The following SPOCK3 variants were observed in gnomAD, a reference collection of about 807,000 sequenced individuals.
SPOCK3 encodes testican-3.
Under a neutral mutation model 56.6 loss-of-function variants are expected in SPOCK3, and 30 were observed. The ratio of observed to expected loss-of-function variants is 0.53; its 90% confidence interval spans 0.40 to 0.72. The LOEUF is 0.72. SPOCK3 is among the 30% of genes least tolerant of loss of function. The probability of loss-of-function intolerance (pLI) is 0.00; values close to 1 mark genes in which losing one functional copy is unlikely to be tolerated. For synonymous variants in SPOCK3, 196 were observed against 183.3 expected, an observed-to-expected ratio of 1.07 and a Z score of -0.56; for missense variants, 527 against 530.0, an observed-to-expected ratio of 0.99 and a Z score of 0.06.
At chr4:166,748,124 G>C (rs1231048378) in intron 8 of SPOCK3, among the ~76,000 whole-genome samples, 2 of 149,174 alleles carry the variant, frequency 1.3e-5, no homozygotes, top group Admixed American at 1.3e-4. Context: ...TCATAGAATT[G>C]GAAAAAACTA....
At chr4:166,992,821 T>TC (rs1747948114) in intron 4 of SPOCK3, among the ~76,000 whole-genome samples, 3 of 151,178 alleles carry the variant, frequency 2.0e-5, no homozygotes, top group Non-Finnish European at 4.4e-5. Flanking sequence ...CTGTACTTTT[T>TC]CCCCCCAATT....
At chr4:167,144,894 C>G (rs114070132) in intron 2 of SPOCK3, among the ~76,000 whole-genome samples, 1 of 151,748 alleles carries the variant, frequency 6.6e-6, no homozygotes, top group Non-Finnish European at 1.5e-5. Flanking sequence ...CCTAATGAGA[C>G]AGAGAACCAT....
Position 166,776,431 on chromosome 4 carries a change from A to C in SPOCK3, c.709+15739T>G, listed in dbSNP as rs1355098773. Among the ~76,000 whole-genome samples the C allele has an allele frequency of 4.8e-5, 7 of 145,338 alleles. No homozygotes were observed. In the East Asian group the frequency reaches 9.7e-4, roughly 20 times the overall value. On this transcript the variant is annotated intron_variant, in intron 7 of 10. Coordinates refer to ENST00000357545, the MANE Select transcript of SPOCK3 (RefSeq NM_001040159.2). ...CATCTCAAAACAAAAGAAAACAAAAAAACAACAAACAAACAAACAAAAAAC... is the reference window on the plus strand; with the variant it reads ...CATCTCAAAACAAAAGAAAACAAAACAACAACAAACAAACAAACAAAAAAC...
At chr4:166,864,234 G>A (rs1318080280) in intron 6 of SPOCK3, among the ~76,000 whole-genome samples, 2 of 152,156 alleles carry the variant, frequency 1.3e-5, no homozygotes, top group Non-Finnish European at 2.9e-5. Context: ...TGAAACCAAT[G>A]AGAACAAAGA....
At chr4:167,032,436 C>T (rs1752363066) in intron 3 of SPOCK3, among the ~76,000 whole-genome samples, 1 of 151,912 alleles carries the variant, frequency 6.6e-6, no homozygotes. Flanking sequence ...GAGAATGGCA[C>T]ATAGGGCTAG....
chr4:166,755,603 T>C (rs1736966990), intron 7 of SPOCK3, among the ~76,000 whole-genome samples: 1 of 152,140 alleles, frequency 6.6e-6, no homozygotes, highest in Admixed American at 6.6e-5. Flanking sequence ...TCTTTTCTAC[T>C]CATTACAAGT....
chr4:167,204,155 C>T (rs541105201), intron 2 of SPOCK3, among the ~76,000 whole-genome samples: 20 of 152,052 alleles, frequency 1.3e-4, no homozygotes, highest in South Asian at 4.2e-4. Context: ...AGTAATCCTG[C>T]CCTTCCTCCT....
chr4:166,888,418 CT>C (rs1174826491), intron 6 of SPOCK3, among the ~76,000 whole-genome samples: 1 of 152,068 alleles, frequency 6.6e-6, no homozygotes, highest in Admixed American at 6.6e-5. Flanking sequence ...ATTCTCCACA[CT>C]TCCTTCTTTA....
chr4:167,063,250 G>T (rs1458417866), intron 2 of SPOCK3, among the ~76,000 whole-genome samples: 2 of 151,794 alleles, frequency 1.3e-5, no homozygotes, highest in African/African-American at 4.8e-5. Flanking sequence ...ATACTGAAAA[G>T]AATTTTTAAA....
At chr4:167,011,255 G>C (rs1337414639) in intron 3 of SPOCK3, 1 of 455,956 alleles carries the variant, frequency 2.2e-6, no homozygotes, top group East Asian at 7.0e-5. Flanking sequence ...AGGCAGTTAT[G>C]GCAATATTCA....
At chr4:166,742,625 TA>T (rs1735006314) in intron 8 of SPOCK3, among the ~76,000 whole-genome samples, 1 of 152,136 alleles carries the variant, frequency 6.6e-6, no homozygotes, top group African/African-American at 2.4e-5. Flanking sequence ...TAATATTGTA[TA>T]ATGTTAAGAG....
At chr4:167,166,739 CT>C (rs1032245361) in intron 2 of SPOCK3, among the ~76,000 whole-genome samples, 2 of 151,980 alleles carry the variant, frequency 1.3e-5, no homozygotes, top group Non-Finnish European at 2.9e-5. Flanking sequence ...TTACATATTT[CT>C]TTTGAAAACT....
Position 166,739,542 on chromosome 4 carries a change from G to C in SPOCK3, c.995-1938C>G, listed in dbSNP as rs1470571034. Among the ~76,000 whole-genome samples, 7 of 152,162 alleles carry C rather than the reference G, an allele frequency of 4.6e-5. No individual in the cohort carries two copies. The East Asian group carries it at 7.7e-4, about 17-fold the overall frequency. ...AGGCATGAGCCGTCATCCCCGACTA[G>C]AGACTTCTTTTTATATCTATAAAAT... On this transcript the variant is annotated intron_variant, in intron 9 of 10. Transcript: ENST00000357545.
intron 6 of SPOCK3, among the ~76,000 whole-genome samples, chr4:166,854,584 T>C (rs1019737199): frequency 6.6e-6 from 1 of 152,208 alleles, no homozygotes; most frequent in Non-Finnish European, 1.5e-5. Context: ...TTTAAAATAA[T>C]GTATGCTATT....
rs150860583 is a variant in SPOCK3, at chr4:167,213,389, A to T, written c.189+20596T>A. ...ATCTTTTCTGCTATTTGATGATATT[A>T]AATATTCTTGCTTTTTTCATGTCAC... On this transcript the variant is annotated intron_variant, in intron 2 of 10. Transcript: ENST00000357545. Among the ~76,000 whole-genome samples the T allele has an allele frequency of 8.8e-3, 1,341 of 152,290 alleles. 11 individuals are homozygous for T. The highest frequency in any genetic ancestry group is 0.013 in the Non-Finnish European group (897 of 68,030).
chr4:166,977,351 A>G (rs1746065158), intron 4 of SPOCK3, among the ~76,000 whole-genome samples: 1 of 152,102 alleles, frequency 6.6e-6, no homozygotes, highest in African/African-American at 2.4e-5. Context: ...AATGTAGACA[A>G]AATGATGAAG....
At chr4:167,118,459 C>T (rs1314398672) in intron 2 of SPOCK3, among the ~76,000 whole-genome samples, 1 of 152,090 alleles carries the variant, frequency 6.6e-6, no homozygotes, top group Non-Finnish European at 1.5e-5. Flanking sequence ...CCATATTAAT[C>T]TTTTTAAAAG....
intron 4 of SPOCK3, among the ~76,000 whole-genome samples, chr4:166,949,347 G>A (rs1019151266): frequency 6.6e-6 from 1 of 152,184 alleles, no homozygotes; most frequent in Non-Finnish European, 1.5e-5. Flanking sequence ...ACTCGTCAAA[G>A]TCATTCTCCA....
chr4:167,134,487 T>C (rs753344160), intron 2 of SPOCK3, among the ~76,000 whole-genome samples: 1 of 152,160 alleles, frequency 6.6e-6, no homozygotes, highest in Non-Finnish European at 1.5e-5. Flanking sequence ...TATTTTTCAA[T>C]TTTGTTACAT....
Sources: allele counts gnomAD v4.1 joint callset (sites outside exome capture counted in the v4.1 genomes callset), GRCh38; gene constraint gnomAD v4.1.1; transcripts MANE v1.5; gene names NCBI Gene and HGNC (gene_info 2026-07-23, HGNC 2026-07-21).